DTNBP1: variants seen among roughly 807,000 people sequenced by gnomAD.
DTNBP1 encodes the protein dystrobrevin binding protein 1, also known as dysbindin.
A neutral mutation model predicts 42.8 loss-of-function variants in DTNBP1; 35 were observed. That is an observed-to-expected ratio of 0.82 (90% confidence interval 0.63 to 1.09). The LOEUF (loss-of-function observed/expected upper bound fraction) is 1.09. Among genes scored for constraint, DTNBP1 ranks in the 50% least tolerant of loss-of-function variants. The probability of loss-of-function intolerance (pLI) is 0.00; values close to 1 mark genes in which losing one functional copy is unlikely to be tolerated. For synonymous variants in DTNBP1, 171 were observed against 162.2 expected, an observed-to-expected ratio of 1.05 and a Z score of -0.41; for missense variants, 457 against 424.2, an observed-to-expected ratio of 1.08 and a Z score of -0.68.
At chr6:15,563,772 C>G (rs1015620988) in intron 7 of DTNBP1, among the ~76,000 whole-genome samples, 3 of 152,174 alleles carry the variant, frequency 2.0e-5, no homozygotes, top group African/African-American at 7.2e-5. Context: ...AGAATCCTAG[C>G]CCCAGCTGGG....
chr6:15,551,024 T>C (rs192444801), intron 7 of DTNBP1, among the ~76,000 whole-genome samples: 59 of 152,348 alleles, frequency 3.9e-4, no homozygotes, highest in Admixed American at 2.4e-3. Flanking sequence ...GAATACTATA[T>C]TCAGGGGGCT....
At chr6:15,612,231 T>C (rs1482105713) in intron 6 of DTNBP1, among the ~76,000 whole-genome samples, 1 of 152,244 alleles carries the variant, frequency 6.6e-6, no homozygotes, top group African/African-American at 2.4e-5. Flanking sequence ...CACTGAAGGC[T>C]GATGATCATC....
At chr6:15,583,621 T>C (rs1464977029) in intron 7 of DTNBP1, among the ~76,000 whole-genome samples, 1 of 152,212 alleles carries the variant, frequency 6.6e-6, no homozygotes, top group Non-Finnish European at 1.5e-5. Flanking sequence ...TTTCTTTTTG[T>C]GGTTTTAAAA....
intron 5 of DTNBP1, among the ~76,000 whole-genome samples, chr6:15,624,192 C>T (rs1278658878): frequency 6.6e-6 from 1 of 152,206 alleles, no homozygotes; most frequent in African/African-American, 2.4e-5. Context: ...GTATGCTCAT[C>T]GTCATTTTGC....
intron 9 of DTNBP1, chr6:15,524,040 T>A: frequency 5.4e-6 from 7 of 1,293,068 alleles, no homozygotes; most frequent in Non-Finnish European, 7.0e-6. Context: ...CAAAATTTTG[T>A]GAAGGGATGA....
At chr6:15,610,543 T>A (rs902332572) in intron 6 of DTNBP1, among the ~76,000 whole-genome samples, 1 of 152,206 alleles carries the variant, frequency 6.6e-6, no homozygotes, top group Non-Finnish European at 1.5e-5. Context: ...GAGGAAGGCA[T>A]GTCGAAAGCC....
chr6:15,627,108 C>T (rs953880560), intron 5 of DTNBP1, among the ~76,000 whole-genome samples: 1 of 152,178 alleles, frequency 6.6e-6, no homozygotes, highest in South Asian at 2.1e-4. Flanking sequence ...TAAGAATCAA[C>T]ATAATTATAA....
intron 5 of DTNBP1, among the ~76,000 whole-genome samples, chr6:15,625,924 G>A (rs1469019147): frequency 6.6e-6 from 1 of 152,222 alleles, no homozygotes; most frequent in African/African-American, 2.4e-5. Flanking sequence ...GGAAACCAAT[G>A]CAGACGGCAA....
At chr6:15,595,503 T>C (rs530013548) in intron 6 of DTNBP1, among the ~76,000 whole-genome samples, 8 of 151,954 alleles carry the variant, frequency 5.3e-5, no homozygotes, top group Admixed American at 2.6e-4. Context: ...CTGACCTCAG[T>C]TGATCCACCT....
chr6:15,597,606 G>A (rs998593334), intron 6 of DTNBP1, among the ~76,000 whole-genome samples: 9 of 152,144 alleles, frequency 5.9e-5, no homozygotes, highest in Non-Finnish European at 1.0e-4. Context: ...CAAAAATTCT[G>A]TAGCACTAAA....
chr6:15,625,442 A>T (rs2113732844), intron 5 of DTNBP1, among the ~76,000 whole-genome samples: 1 of 152,358 alleles, frequency 6.6e-6, no homozygotes, highest in South Asian at 2.1e-4. Context: ...GATTACTAAA[A>T]AAGAGAGGAT....
chr6:15,523,500 C>T (rs1772072849), intron 9 of DTNBP1: 1 of 1,284,410 alleles, frequency 7.8e-7, no homozygotes, highest in Non-Finnish European at 1.0e-6. Context: ...GTAATAGAGG[C>T]CCAAAGGCAA....
rs1429061175 is a variant in DTNBP1, at chr6:15,651,216, T to TAGCTG, written c.161+92_161+96dup. The TAGCTG allele has an allele frequency of 3.7e-6, 4 of 1,067,974 alleles. No homozygotes were observed. The East Asian group carries it at 9.5e-5, about 25-fold the overall frequency. 66.2% of individuals were successfully genotyped at this position (1,067,974 alleles called of 1,614,324 possible). A position where few individuals can be genotyped will look rare whatever the true frequency, so the allele number is the denominator to read the frequency against. On this transcript the variant is annotated intron_variant, in intron 3 of 9. Coordinates refer to ENST00000344537, the MANE Select transcript of DTNBP1 (RefSeq NM_032122.5). Reference sequence around the variant, plus strand: ...CCAATCACTGCATTAAGATAAAATTTAGCTGTTTTAAGGCTTTTAACCTAC... The same window carrying TAGCTG: ...CCAATCACTGCATTAAGATAAAATTTAGCTGAGCTGTTTTAAGGCTTTTAACCTAC...
At chr6:15,660,669 T>G (rs1761552921) in intron 1 of DTNBP1, 1 of 699,954 alleles carries the variant, frequency 1.4e-6, no homozygotes, top group Non-Finnish European at 2.1e-6. Flanking sequence ...TCTCCTTAAC[T>G]AACTCTAAAC....
At chr6:15,651,870 G>C (rs920317909) in intron 2 of DTNBP1, among the ~76,000 whole-genome samples, 1 of 152,166 alleles carries the variant, frequency 6.6e-6, no homozygotes, top group Non-Finnish European at 1.5e-5. Flanking sequence ...TTGACTGTCA[G>C]AGTAAAACAA....
At chr6:15,590,421 C>A (rs11752196) in intron 7 of DTNBP1, among the ~76,000 whole-genome samples, 1 of 152,030 alleles carries the variant, frequency 6.6e-6, no homozygotes, top group Non-Finnish European at 1.5e-5. Context: ...TTTGTCACTA[C>A]GTTGCCTTAG....
In DTNBP1 at chr6:15,662,801, A is replaced by C. The variant is rs768095312; in HGVS notation, c.56+13T>G. The stretch of plus-strand genomic sequence containing the variant: ...CCCCTCAGGTCCCTTTTCGTCGCCC[A>C]CCGTATACCCACCCGGAGGTGAAAT... On this transcript the variant is annotated intron_variant, in intron 1 of 9. Coordinates refer to ENST00000344537, the MANE Select transcript of DTNBP1 (RefSeq NM_032122.5). 6.2e-7 allele frequency: 1 copy of C among 1,611,736 alleles called. No homozygotes were observed. The highest frequency in any genetic ancestry group is 1.7e-5 in the Admixed American group (1 of 59,960).
intron 7 of DTNBP1, among the ~76,000 whole-genome samples, chr6:15,579,576 G>A (rs1323945068): frequency 6.6e-6 from 1 of 152,184 alleles, no homozygotes; most frequent in African/African-American, 2.4e-5. Context: ...AGGCCAAGGC[G>A]GGCAGATCAT....
intron 7 of DTNBP1, among the ~76,000 whole-genome samples, chr6:15,592,796 T>C (rs1031302730): frequency 6.6e-6 from 1 of 152,168 alleles, no homozygotes; most frequent in Non-Finnish European, 1.5e-5. Context: ...TAAACTATGA[T>C]TCTCAACAAC....
Sources: allele counts gnomAD v4.1 joint callset (sites outside exome capture counted in the v4.1 genomes callset), GRCh38; gene constraint gnomAD v4.1.1; transcripts MANE v1.5; gene names NCBI Gene and HGNC (gene_info 2026-07-23, HGNC 2026-07-21).